The following MAP7D2 variants were observed in gnomAD, a reference collection of about 807,000 sequenced individuals.
MAP7D2 encodes MAP7 domain-containing protein 2.
A neutral mutation model predicts 63.5 loss-of-function variants in MAP7D2; 33 were observed. The observed-to-expected ratio is 0.52, with a 90% CI of 0.39 to 0.70. The LOEUF (loss-of-function observed/expected upper bound fraction) is 0.70, where lower values mean the gene tolerates loss of function less well. MAP7D2 is among the 30% of genes least tolerant of loss of function. The probability of loss-of-function intolerance (pLI) is 0.00; values close to 1 mark genes in which losing one functional copy is unlikely to be tolerated. For synonymous variants in MAP7D2, 224 were observed against 223.7 expected (o/e 1.00, Z -0.01); for missense variants, 626 against 604.0 (o/e 1.04, Z -0.38).
intron 3 of MAP7D2, among the ~76,000 whole-genome samples, chrX:20,061,843 A>G (rs962047104): frequency 4.4e-5 from 5 of 112,579 alleles, no homozygotes; most frequent in African/African-American, 1.3e-4. Flanking sequence ...GTGACTTCAC[A>G]GTACCCCTTC....
intron 4 of MAP7D2, chrX:20,055,770 C>T: frequency 2.0e-6 from 2 of 998,548 alleles, no homozygotes; most frequent in Non-Finnish European, 2.6e-6. Flanking sequence ...GTGGTCCCTG[C>T]ATCCGGAGGG....
rs779366726 is a variant in MAP7D2 at position 20,088,468 on chromosome X, G to GTTTTTTTTTTTTTTT, written c.131-23678_131-23664dup. 7.3e-5 allele frequency among the ~76,000 whole-genome samples: 3 copies of GTTTTTTTTTTTTTTT among 41,074 alleles called. 1 individual carries two copies. The highest frequency in any genetic ancestry group is 1.8e-4 in the African/African-American group (3 of 16,662). 35.7% of individuals were successfully genotyped at this position (41,074 alleles called of 115,157 possible). A position where few individuals can be genotyped will look rare whatever the true frequency, so the allele number is the denominator to read the frequency against. ...CCCCACCACACCCAGCTAATTTTCA[G>GTTTTTTTTTTTTTTT]TTTTTTTTTTTTTTTTTTTTTTTTT... On this transcript the variant is annotated intron_variant, in intron 1 of 16. Coordinates refer to ENST00000379643, the MANE Select transcript of MAP7D2 (RefSeq NM_001168465.2).
At chrX:20,104,257 T>C (rs1307009464) in intron 1 of MAP7D2, among the ~76,000 whole-genome samples, 1 of 112,443 alleles carries the variant, frequency 8.9e-6, no homozygotes, top group Non-Finnish European at 1.9e-5. Flanking sequence ...AGGAACATGT[T>C]TTGCAGTAAG....
At chrX:20,090,528 C>CA (rs1245837829) in intron 1 of MAP7D2, among the ~76,000 whole-genome samples, 1 of 111,598 alleles carries the variant, frequency 9.0e-6, no homozygotes, top group Non-Finnish European at 1.9e-5. Context: ...TTAAATCCCA[C>CA]AAAAAAATTG....
At chrX:20,087,976 G>A (rs2065957306) in intron 1 of MAP7D2, among the ~76,000 whole-genome samples, 1 of 94,528 alleles carries the variant, frequency 1.1e-5, no homozygotes, top group Non-Finnish European at 2.0e-5. Flanking sequence ...TGCAACCTCT[G>A]CCTCCCAGGT....
chrX:20,030,690 GT>G (rs1304858816), intron 8 of MAP7D2, among the ~76,000 whole-genome samples: 1 of 111,668 alleles, frequency 9.0e-6, no homozygotes, highest in Non-Finnish European at 1.9e-5. Flanking sequence ...CATGGGAGGG[GT>G]CTTGGCTTCA....
At chrX:20,088,726 T>G (rs2065988390) in intron 1 of MAP7D2, among the ~76,000 whole-genome samples, 1 of 110,536 alleles carries the variant, frequency 9.0e-6, no homozygotes, top group South Asian at 3.9e-4. Context: ...GAAGATTTAA[T>G]TTTTGATGGT....
intron 8 of MAP7D2, among the ~76,000 whole-genome samples, chrX:20,035,475 G>T (rs1479434505): frequency 8.9e-6 from 1 of 112,106 alleles, no homozygotes; most frequent in Non-Finnish European, 1.9e-5. Flanking sequence ...TAGTGTTCTA[G>T]ACAGAGTGGA....
intron 12 of MAP7D2, among the ~76,000 whole-genome samples, chrX:20,014,828 C>T (rs979050157): frequency 1.1e-4 from 12 of 110,803 alleles, no homozygotes; most frequent in African/African-American, 3.6e-4. Context: ...GTCATCTTCC[C>T]ACCTCAACCT....
Position 20,116,791 on chromosome X carries a change from G to C in MAP7D2, c.89C>G (p.Pro30Arg), listed in dbSNP as rs749627161. 2.1e-5 allele frequency: 25 copies of C among 1,191,853 alleles called. No individual in the cohort carries two copies. In the South Asian group the frequency reaches 4.6e-4, roughly 22 times the overall value. ...GGGCTGAGAGGTCCGCACCGCGCCC[G>C]GTTCTGCGATCTTCCCTGGGAGAGA... ...GTSLPGKIAEPGAVRTSQPNY... is the reference protein window; with the variant it reads ...GTSLPGKIAERGAVRTSQPNY... Residue 30 changes from proline to arginine, a missense_variant, in exon 1 of 17, where the codon CCG (proline) becomes CGG (arginine). Physicochemically the swap from Pro to Arg is moderately radical, Grantham distance 103. Transcript: ENST00000379643.
chrX:20,030,263 T>G (rs1171307002), intron 8 of MAP7D2, among the ~76,000 whole-genome samples: 1 of 112,037 alleles, frequency 8.9e-6, no homozygotes, highest in Non-Finnish European at 1.9e-5. Flanking sequence ...CCTAAGAGTT[T>G]AAACAACCTT....
At chrX:20,030,075 G>GT (rs2074000631) in intron 8 of MAP7D2, among the ~76,000 whole-genome samples, 1 of 112,227 alleles carries the variant, frequency 8.9e-6, no homozygotes, top group East Asian at 2.8e-4. Context: ...CTGGAAATAG[G>GT]TATTTTGGCT....
intron 1 of MAP7D2, among the ~76,000 whole-genome samples, chrX:20,102,503 C>A: frequency 9.0e-6 from 1 of 110,844 alleles, no homozygotes. Flanking sequence ...TAAATTGGAG[C>A]CCCATTCCAA....
intron 1 of MAP7D2, among the ~76,000 whole-genome samples, chrX:20,115,761 G>A (rs1193227495): frequency 9.0e-6 from 1 of 111,503 alleles, no homozygotes; most frequent in East Asian, 2.8e-4. Flanking sequence ...TTGGCCCATC[G>A]TATATAAAAT....
chrX:20,080,613 G>C (rs1366574869), intron 1 of MAP7D2, among the ~76,000 whole-genome samples: 1 of 110,644 alleles, frequency 9.0e-6, no homozygotes, highest in African/African-American at 3.3e-5. Context: ...CAATCATGCA[G>C]ACAAAATGAC....
At chrX:20,012,575 T>C (rs780606736) in intron 14 of MAP7D2, 40 bp from the exon 15 acceptor site, 12 of 1,053,442 alleles carry the variant, frequency 1.1e-5, no homozygotes, top group Middle Eastern at 2.6e-4. Flanking sequence ...AATCATAAAA[T>C]GTCTAAATAA....
Position 20,093,102 on chromosome X carries a change from C to T in MAP7D2, c.130+23648G>A, listed in dbSNP as rs764176811. On this transcript the variant is annotated intron_variant, in intron 1 of 16. Transcript: ENST00000379643. ...CCCAGCCAGTGAAAAGAAGGCTGGC[C>T]TCATAGTGACAGAATGAAGGCAGAT... Among the ~76,000 whole-genome samples the T allele has an allele frequency of 3.6e-5, 4 of 111,817 alleles. No individual in the cohort carries two copies. The South Asian group carries it at 1.5e-3, about 42-fold the overall frequency.
intron 1 of MAP7D2, among the ~76,000 whole-genome samples, chrX:20,066,195 A>G (rs938790949): frequency 2.7e-5 from 3 of 112,389 alleles, no homozygotes; most frequent in African/African-American, 9.7e-5. Context: ...GAAGCACACC[A>G]TTCTTTAGAA....
chrX:20,041,488 T>C, intron 8 of MAP7D2, among the ~76,000 whole-genome samples: 1 of 112,095 alleles, frequency 8.9e-6, no homozygotes, highest in East Asian at 2.8e-4. Context: ...TTAATAGTAG[T>C]GAAAAAGTCT....
Sources: gnomAD v4.1 joint callset for allele counts (sites outside exome capture counted in the v4.1 genomes callset) on GRCh38, gnomAD v4.1.1 for gene constraint, MANE v1.5 for transcripts, NCBI Gene and HGNC (gene_info 2026-07-23, HGNC 2026-07-21) for gene names.